RAB31: variants seen among roughly 807,000 people sequenced by gnomAD.
The protein encoded by RAB31 is RAB31, member RAS oncogene family, also known as ras-related protein Rab-31.
In RAB31, 21 loss-of-function variants were observed where a neutral mutation model predicts 25.6. The ratio of observed to expected loss-of-function variants is 0.82; its 90% CI spans 0.58 to 1.18. RAB31 has a LOEUF of 1.18. RAB31 is among the 50% of genes most tolerant of loss of function. RAB31 has a pLI of 0.00. For missense variants in RAB31, 196 were observed against 250.1 expected (o/e 0.78, Z 1.46); for synonymous variants, 87 against 84.0 (o/e 1.04, Z -0.20).
chr18:9,807,433 G>A (rs980073631), intron 3 of RAB31, among the ~76,000 whole-genome samples: 10 of 152,140 alleles, frequency 6.6e-5, no homozygotes, highest in Non-Finnish European at 8.8e-5. Flanking sequence ...CCCCGCAAAT[G>A]CATATCACGG....
chr18:9,813,213 G>T (rs568081982), intron 3 of RAB31, among the ~76,000 whole-genome samples: 8 of 152,164 alleles, frequency 5.3e-5, no homozygotes, highest in African/African-American at 1.7e-4. Flanking sequence ...GAAGCCCCGC[G>T]TTGGAGAGGT....
intron 2 of RAB31, among the ~76,000 whole-genome samples, chr18:9,791,388 C>CTTTTTTTTTTT (rs35523044): frequency 1.7e-5 from 1 of 59,568 alleles, no homozygotes. Flanking sequence ...GAAACACAGT[C>CTTTTTTTTTTT]TTTTTTTTTT....
intron 6 of RAB31, among the ~76,000 whole-genome samples, chr18:9,855,023 G>A (rs558823081): frequency 2.6e-5 from 4 of 152,338 alleles, no homozygotes; most frequent in South Asian, 4.1e-4. Flanking sequence ...AATGGTTAGC[G>A]GGAGAATCAG....
At chr18:9,809,654 C>T (rs1205947763) in intron 3 of RAB31, among the ~76,000 whole-genome samples, 1 of 152,216 alleles carries the variant, frequency 6.6e-6, no homozygotes, top group African/African-American at 2.4e-5. Flanking sequence ...AGTCTAATTG[C>T]TGCTGGATAT....
chr18:9,747,411 A>C (rs987262028), intron 1 of RAB31, among the ~76,000 whole-genome samples: 1 of 152,224 alleles, frequency 6.6e-6, no homozygotes, highest in Non-Finnish European at 1.5e-5. Context: ...AACTGAAAAG[A>C]GGTACTCAAA....
chr18:9,813,458 A>C (rs2068585284), intron 3 of RAB31, among the ~76,000 whole-genome samples: 1 of 152,236 alleles, frequency 6.6e-6, no homozygotes, highest in Non-Finnish European at 1.5e-5. Context: ...GTAACATTTA[A>C]AATAAAATTT....
chr18:9,741,933 A>G (rs916976749), intron 1 of RAB31, among the ~76,000 whole-genome samples: 2 of 152,176 alleles, frequency 1.3e-5, no homozygotes, highest in African/African-American at 4.8e-5. Flanking sequence ...GAGCCAGGAA[A>G]TGTGAGTCAG....
chr18:9,810,101 GT>G (rs1339204474), intron 3 of RAB31, among the ~76,000 whole-genome samples: 7 of 152,168 alleles, frequency 4.6e-5, no homozygotes, highest in African/African-American at 1.7e-4. Context: ...TCCCTGTGCC[GT>G]TTCTAAATAA....
At chr18:9,833,735 G>A (rs886263592) in intron 5 of RAB31, among the ~76,000 whole-genome samples, 1 of 152,166 alleles carries the variant, frequency 6.6e-6, no homozygotes, top group Admixed American at 6.5e-5. Flanking sequence ...CAACATCATT[G>A]TGTTCGTTAT....
chr18:9,836,512 G>A (rs1034671162), intron 5 of RAB31, among the ~76,000 whole-genome samples: 2 of 152,160 alleles, frequency 1.3e-5, no homozygotes, highest in African/African-American at 4.8e-5. Flanking sequence ...TTATGAATTG[G>A]ATAGAGTGAA....
At chr18:9,745,159 G>A (rs527632973) in intron 1 of RAB31, among the ~76,000 whole-genome samples, 20 of 152,266 alleles carry the variant, frequency 1.3e-4, no homozygotes, top group African/African-American at 3.1e-4. Flanking sequence ...AAGATTATAA[G>A]AGAATACTAT....
chr18:9,799,928 C>T (rs1038872393), intron 3 of RAB31, among the ~76,000 whole-genome samples: 2 of 152,172 alleles, frequency 1.3e-5, no homozygotes, highest in Non-Finnish European at 2.9e-5. Context: ...GTTGTACCAT[C>T]AGTGTGGCCT....
At chr18:9,739,915 G>A (rs1023672573) in intron 1 of RAB31, among the ~76,000 whole-genome samples, 4 of 152,242 alleles carry the variant, frequency 2.6e-5, no homozygotes, top group African/African-American at 4.8e-5. Flanking sequence ...GTATCACAGA[G>A]CCCCAGCAGT....
chr18:9,722,388 A>G (rs1599012011), intron 1 of RAB31, among the ~76,000 whole-genome samples: 1 of 152,174 alleles, frequency 6.6e-6, no homozygotes, highest in Non-Finnish European at 1.5e-5. Flanking sequence ...AGAGCTGACA[A>G]ACGTTGCTGA....
intron 3 of RAB31, among the ~76,000 whole-genome samples, chr18:9,798,742 C>G (rs1332526696): frequency 6.6e-6 from 1 of 151,464 alleles, no homozygotes; most frequent in East Asian, 1.9e-4. Flanking sequence ...CTCCAGCCTC[C>G]TGAGTAGCTG....
chr18:9,826,896 C>T lies in RAB31; in HGVS notation c.380+11674C>T, dbSNP rs576035226. On this transcript the variant is annotated intron_variant, in intron 5 of 6. Transcript: ENST00000578921. ...TCAGAGGAAGAAGAGCATATCCTAT[C>T]CCACCCTGGCCCTTAAGCAAGAATC... Among the ~76,000 whole-genome samples, 25 of 152,290 alleles carry T rather than the reference C, an allele frequency of 1.6e-4. No individual in the cohort carries two copies. The South Asian group carries it at 5.2e-3, about 32-fold the overall frequency.
intron 1 of RAB31, among the ~76,000 whole-genome samples, chr18:9,736,090 G>T (rs1287383657): frequency 6.6e-6 from 1 of 151,902 alleles, no homozygotes; most frequent in Non-Finnish European, 1.5e-5. Flanking sequence ...TCCTGCCTGA[G>T]CCTCCTGAGT....
chr18:9,724,425 G>A (rs1400807443), intron 1 of RAB31, among the ~76,000 whole-genome samples: 1 of 152,116 alleles, frequency 6.6e-6, no homozygotes, highest in African/African-American at 2.4e-5. Flanking sequence ...AATCTTAACT[G>A]TTGTGTCACA....
At chr18:9,858,245 C>T (rs1433116494) in intron 6 of RAB31, among the ~76,000 whole-genome samples, 2 of 152,130 alleles carry the variant, frequency 1.3e-5, no homozygotes, top group African/African-American at 4.8e-5. Context: ...TCTCGAGTCA[C>T]AGTGAAATGG....
Sources: allele counts gnomAD v4.1 joint callset (sites outside exome capture counted in the v4.1 genomes callset), GRCh38; gene constraint gnomAD v4.1.1; transcripts MANE v1.5; gene names NCBI Gene and HGNC (gene_info 2026-07-23, HGNC 2026-07-21).